The following STXBP4 variants were observed in gnomAD, a reference collection of about 807,000 sequenced individuals.
The protein encoded by STXBP4 is syntaxin-binding protein 4.
In STXBP4, 55 loss-of-function variants were observed where a neutral mutation model predicts 76.1. The ratio of observed to expected loss-of-function variants is 0.72; its 90% CI spans 0.58 to 0.91. The LOEUF (loss-of-function observed/expected upper bound fraction) is 0.91. Among genes scored for constraint, STXBP4 ranks in the 40% least tolerant of loss-of-function variants. The pLI is 0.00. For missense variants in STXBP4, 618 were observed against 636.9 expected, an observed-to-expected ratio of 0.97 and a Z score of 0.32; for synonymous variants, 201 against 220.2, an observed-to-expected ratio of 0.91 and a Z score of 0.77.
chr17:55,176,332 C>T (rs1040295652), downstream of STXBP4, among the ~76,000 whole-genome samples: 4 of 152,200 alleles, frequency 2.6e-5, no homozygotes, highest in Non-Finnish European at 4.4e-5. Flanking sequence ...GTAAATGATT[C>T]GTAGATATTG....
At chr17:55,016,049 T>C (rs1657107454) in intron 8 of STXBP4, among the ~76,000 whole-genome samples, 1 of 152,090 alleles carries the variant, frequency 6.6e-6, no homozygotes, top group African/African-American at 2.4e-5. Context: ...TTCTCCAGAA[T>C]ACATCTTAAG....
chr17:55,050,191 C>T (rs976473661), intron 12 of STXBP4, among the ~76,000 whole-genome samples: 1 of 151,866 alleles, frequency 6.6e-6, no homozygotes, highest in African/African-American at 2.4e-5. Context: ...AGTTGATAAG[C>T]TAGCAAGATA....
chr17:55,043,388 A>G (rs548434971), intron 11 of STXBP4, 63 bp downstream of exon 11: 10 of 1,009,310 alleles, frequency 9.9e-6, no homozygotes, highest in South Asian at 2.2e-5. Flanking sequence ...AAAAAATCCT[A>G]TATTGGATTC....
At chr17:55,032,339 A>T (rs2144685185) in intron 9 of STXBP4, among the ~76,000 whole-genome samples, 1 of 152,304 alleles carries the variant, frequency 6.6e-6, no homozygotes, top group South Asian at 2.1e-4. Context: ...AATAATGAAA[A>T]CAAGAAACAG....
At chr17:55,203,582 T>G in the STXBP4 span, among the ~76,000 whole-genome samples, 5 of 152,278 alleles carry the variant, frequency 3.3e-5, no homozygotes, top group African/African-American at 9.6e-5. Flanking sequence ...AAATTCTAAA[T>G]TCTCTGAAAT....
intron 12 of STXBP4, among the ~76,000 whole-genome samples, chr17:55,068,043 T>G (rs1054477572): frequency 5.3e-5 from 8 of 152,144 alleles, no homozygotes; most frequent in African/African-American, 1.9e-4. Context: ...GCAAAGCATT[T>G]TGGGATTATC....
rs113877150 is a variant in STXBP4, at chr17:55,141,794, T to C, written c.1547+427T>C. Among the ~76,000 whole-genome samples, 188 of 152,326 alleles carry C rather than the reference T, an allele frequency of 1.2e-3. 1 individual carries two copies. The highest frequency in any genetic ancestry group is 2.4e-3 in the Non-Finnish European group (165 of 68,026). On this transcript the variant is annotated intron_variant, in intron 17 of 17. Coordinates refer to ENST00000376352, the MANE Select transcript of STXBP4 (RefSeq NM_178509.6). ...TCATTCTGCAACTATTTTTTGAGCATTTGCTGTTTGCCAGGCAGTGTTCCA... is the reference window on the plus strand; with the variant it reads ...TCATTCTGCAACTATTTTTTGAGCACTTGCTGTTTGCCAGGCAGTGTTCCA...
In STXBP4 at chr17:55,010,794, G is replaced by A. The variant is rs551737853; in HGVS notation, c.666+3197G>A. On this transcript the variant is annotated intron_variant, in intron 8 of 17. Coordinates refer to ENST00000376352, the MANE Select transcript of STXBP4 (RefSeq NM_178509.6). ...GTTAATGAAATATTCTTTGTATTAG[G>A]CTGAAAGGTGTGTGACTAATATTGT... Among the ~76,000 whole-genome samples the A allele has an allele frequency of 3.3e-5, 5 of 152,230 alleles. No homozygotes were observed. The East Asian group carries it at 9.6e-4, about 29-fold the overall frequency.
chr17:54,989,562 C>A (rs780797127), intron 3 of STXBP4, among the ~76,000 whole-genome samples: 5 of 152,050 alleles, frequency 3.3e-5, no homozygotes, highest in Non-Finnish European at 7.3e-5. Flanking sequence ...ATCAAGTTAA[C>A]CTATCTGAAT....
the STXBP4 span, among the ~76,000 whole-genome samples, chr17:55,199,757 T>G: frequency 6.6e-6 from 1 of 152,190 alleles, no homozygotes; most frequent in Non-Finnish European, 1.5e-5. Context: ...CTCGAGTGCT[T>G]AAAGCCTACT....
intron 16 of STXBP4, among the ~76,000 whole-genome samples, chr17:55,137,902 T>G (rs568116923): frequency 2.6e-5 from 4 of 152,274 alleles, no homozygotes; most frequent in East Asian, 3.9e-4. Flanking sequence ...TTAAACTACT[T>G]TTTAATGTTT....
chr17:55,007,263 C>T (rs544252909), intron 7 of STXBP4, among the ~76,000 whole-genome samples: 2 of 151,384 alleles, frequency 1.3e-5, no homozygotes, highest in South Asian at 2.1e-4. Context: ...CACTTGAACC[C>T]GGGAGGCAGA....
chr17:55,018,586 G>T (rs1024898124), intron 8 of STXBP4, among the ~76,000 whole-genome samples: 6 of 152,258 alleles, frequency 3.9e-5, no homozygotes, highest in Middle Eastern at 3.4e-3. Flanking sequence ...AAGCAACAAG[G>T]CTGTTTATTT....
intron 11 of STXBP4, chr17:55,043,806 A>T: frequency 1.6e-6 from 1 of 606,280 alleles, no homozygotes; most frequent in African/African-American, 1.9e-5. Context: ...ATACTGTAAC[A>T]TTTTTCTTCT....
chr17:55,130,777 G>A (rs1480349346), intron 16 of STXBP4, among the ~76,000 whole-genome samples: 1 of 152,158 alleles, frequency 6.6e-6, no homozygotes, highest in Non-Finnish European at 1.5e-5. Flanking sequence ...TGTCACAGTT[G>A]TCTTTCTGTG....
intron 12 of STXBP4, among the ~76,000 whole-genome samples, chr17:55,056,943 T>C (rs1424075084): frequency 6.6e-6 from 1 of 152,236 alleles, no homozygotes; most frequent in Non-Finnish European, 1.5e-5. Context: ...TTTTCAGTTT[T>C]CATAGCCAAT....
intron 16 of STXBP4, among the ~76,000 whole-genome samples, chr17:55,090,849 GTGTGTC>G (rs1190936036): frequency 1.3e-4 from 1 of 7,418 alleles, no homozygotes. Flanking sequence ...GTGTGTGTGT[GTGTGTC>G]TGTGTGTGTG....
intron 13 of STXBP4, among the ~76,000 whole-genome samples, chr17:55,073,938 T>G (rs892180694): frequency 3.9e-5 from 6 of 152,136 alleles, no homozygotes; most frequent in African/African-American, 1.4e-4. Context: ...CAGTGCAAAC[T>G]TTTTTATGCA....
intron 17 of STXBP4, among the ~76,000 whole-genome samples, chr17:55,158,613 A>G (rs183618): frequency 0.65 from 98,611 of 152,082 alleles, 33,017 homozygotes; most frequent in African/African-American, 0.82. Flanking sequence ...GGTTAAGAGC[A>G]TGATTTCGTG....
Sources: gnomAD v4.1 joint callset for allele counts (sites outside exome capture counted in the v4.1 genomes callset) on GRCh38, gnomAD v4.1.1 for gene constraint, MANE v1.5 for transcripts, NCBI Gene and HGNC (gene_info 2026-07-23, HGNC 2026-07-21) for gene names.